Variants in DENND1A observed in about 807,000 individuals in gnomAD.
DENND1A encodes DENN domain-containing protein 1A.
In DENND1A, 51 loss-of-function variants were observed where a neutral mutation model predicts 113.7. The observed-to-expected ratio is 0.45, with a 90% CI of 0.36 to 0.57. The LOEUF is 0.57. Ranked by LOEUF, DENND1A falls within the 20% of genes least tolerant of loss-of-function variation. DENND1A has a pLI of 0.00. For missense variants in DENND1A, 1,258 were observed against 1,395.9 expected (o/e 0.90, Z 1.57); for synonymous variants, 565 against 570.8 (o/e 0.99, Z 0.14).
chr9:123,594,626 G>A (rs1232761992), intron 11 of DENND1A, among the ~76,000 whole-genome samples: 3 of 151,526 alleles, frequency 2.0e-5, no homozygotes, highest in African/African-American at 7.3e-5. Context: ...AAAATTCCCA[G>A]GGAGGGGAGA....
intron 5 of DENND1A, among the ~76,000 whole-genome samples, chr9:123,727,105 T>A (rs557604314): frequency 6.6e-6 from 1 of 152,188 alleles, no homozygotes; most frequent in Non-Finnish European, 1.5e-5. Context: ...ATACCTTCTC[T>A]CTACTTGGCT....
intron 13 of DENND1A, among the ~76,000 whole-genome samples, chr9:123,515,885 G>C (rs926026919): frequency 6.6e-6 from 1 of 151,846 alleles, no homozygotes; most frequent in African/African-American, 2.4e-5. Context: ...TGGGCAACAC[G>C]GGGAAACCCT....
At chr9:123,856,657 A>G (rs1382573242) in intron 2 of DENND1A, among the ~76,000 whole-genome samples, 1 of 152,094 alleles carries the variant, frequency 6.6e-6, no homozygotes, top group Non-Finnish European at 1.5e-5. Context: ...CGGGGTGTCA[A>G]AATTCAAAGT....
At chr9:123,894,197 TGAG>T (rs1314760031) in intron 1 of DENND1A, among the ~76,000 whole-genome samples, 2 of 152,218 alleles carry the variant, frequency 1.3e-5, no homozygotes, top group African/African-American at 4.8e-5. Flanking sequence ...TGAAATTCCC[TGAG>T]GAGGAGAGAG....
chr9:123,479,757 CA>C (rs1200546079), intron 13 of DENND1A, among the ~76,000 whole-genome samples: 1 of 152,234 alleles, frequency 6.6e-6, no homozygotes, highest in African/African-American at 2.4e-5. Context: ...CGCCTTTTGG[CA>C]AAAACCCCCT....
intron 2 of DENND1A, among the ~76,000 whole-genome samples, chr9:123,874,685 T>C (rs184243849): frequency 6.6e-6 from 1 of 152,300 alleles, no homozygotes; most frequent in African/African-American, 2.4e-5. Flanking sequence ...GGGTTCAATC[T>C]CATTAGTCTT....
chr9:123,727,544 G>T (rs1474993798), intron 5 of DENND1A, among the ~76,000 whole-genome samples: 1 of 152,114 alleles, frequency 6.6e-6, no homozygotes, highest in Non-Finnish European at 1.5e-5. Flanking sequence ...CAAGGGCTGT[G>T]AAATCATAAA....
intron 13 of DENND1A, among the ~76,000 whole-genome samples, chr9:123,522,816 TC>T (rs1320647987): frequency 1.3e-5 from 2 of 152,142 alleles, no homozygotes; most frequent in African/African-American, 4.8e-5. Context: ...ACATGAGACG[TC>T]CCGGATGCTG....
chr9:123,562,952 A>G (rs554586294), intron 12 of DENND1A, among the ~76,000 whole-genome samples: 7 of 152,300 alleles, frequency 4.6e-5, no homozygotes, highest in African/African-American at 1.7e-4. Context: ...CTGCCAAATG[A>G]AAGAACGAAT....
chr9:123,926,067 C>A (rs963533196), intron 1 of DENND1A, among the ~76,000 whole-genome samples: 1 of 152,174 alleles, frequency 6.6e-6, no homozygotes, highest in Non-Finnish European at 1.5e-5. Context: ...ACATTCCAGT[C>A]CACTGGGATC....
intron 1 of DENND1A, among the ~76,000 whole-genome samples, chr9:123,916,746 C>T (rs888757109): frequency 6.6e-6 from 1 of 152,028 alleles, no homozygotes; most frequent in African/African-American, 2.4e-5. Context: ...GGAAGGAACA[C>T]GGTGGTAGGC....
chr9:123,739,213 T>C (rs1301927382), intron 5 of DENND1A, among the ~76,000 whole-genome samples: 1 of 151,966 alleles, frequency 6.6e-6, no homozygotes, highest in Non-Finnish European at 1.5e-5. Context: ...GACTTATGAG[T>C]TTCAAATAAT....
chr9:123,539,882 C>CAAAA (rs141372137), intron 13 of DENND1A, among the ~76,000 whole-genome samples: 8 of 90,692 alleles, frequency 8.8e-5, no homozygotes, highest in Non-Finnish European at 1.5e-4. Flanking sequence ...GACTCCGTCT[C>CAAAA]AAAAAAAAAA....
chr9:123,639,434 G>A (rs915274504), intron 9 of DENND1A, among the ~76,000 whole-genome samples: 13 of 121,602 alleles, frequency 1.1e-4, no homozygotes, highest in East Asian at 2.4e-4. Context: ...ATGAGCCTCC[G>A]TATCCCCCCA....
chr9:123,449,225 T>G (rs1428082752), intron 18 of DENND1A, among the ~76,000 whole-genome samples: 1 of 152,132 alleles, frequency 6.6e-6, no homozygotes, highest in East Asian at 1.9e-4. Flanking sequence ...TGGCCCACCC[T>G]TAAGAGGAGC....
At chr9:123,805,405 C>G (rs1246894490) in intron 2 of DENND1A, among the ~76,000 whole-genome samples, 10 of 151,426 alleles carry the variant, frequency 6.6e-5, no homozygotes, top group African/African-American at 2.2e-4. Flanking sequence ...TCATATATAC[C>G]ATATACACAT....
At chr9:123,458,556 A>G (rs912705684) in intron 13 of DENND1A, among the ~76,000 whole-genome samples, 1 of 152,068 alleles carries the variant, frequency 6.6e-6, no homozygotes, top group African/African-American at 2.4e-5. Context: ...CCCCTTCCGT[A>G]CCCCAAGGGC....
At chr9:123,514,098 A>ATG (rs752553818) in intron 13 of DENND1A, among the ~76,000 whole-genome samples, 14,298 of 62,158 alleles carry the variant, frequency 0.23, 705 homozygotes, top group Admixed American at 0.31. Flanking sequence ...GTGTGTGTGT[A>ATG]TGTGTGTGTG....
intron 5 of DENND1A, among the ~76,000 whole-genome samples, chr9:123,750,166 C>A (rs2069884529): frequency 6.6e-6 from 1 of 152,214 alleles, no homozygotes; most frequent in African/African-American, 2.4e-5. Context: ...CAACCTCCAA[C>A]AGCAGGCCAC....
Sources: allele counts gnomAD v4.1 joint callset (sites outside exome capture counted in the v4.1 genomes callset), GRCh38; gene constraint gnomAD v4.1.1; transcripts MANE v1.5; gene names NCBI Gene and HGNC (gene_info 2026-07-23, HGNC 2026-07-21).